Variants in SPIRE1 observed in about 807,000 individuals in gnomAD.
SPIRE1 encodes the protein protein spire homolog 1.
In SPIRE1, 40 loss-of-function variants were observed where a neutral mutation model predicts 94.1. The observed-to-expected ratio is 0.43, with a 90% CI of 0.33 to 0.55. The LOEUF (loss-of-function observed/expected upper bound fraction) is 0.55, where lower values mean the gene tolerates loss of function less well. Among genes scored for constraint, SPIRE1 ranks in the 20% least tolerant of loss-of-function variants. SPIRE1 has a pLI of 0.06. For missense variants in SPIRE1, 838 were observed against 975.2 expected (o/e 0.86, Z 1.87); for synonymous variants, 376 against 371.7 (o/e 1.01, Z -0.13).
At chr18:12,505,594 G>A (rs1490050691) in intron 6 of SPIRE1, among the ~76,000 whole-genome samples, 1 of 151,672 alleles carries the variant, frequency 6.6e-6, no homozygotes, top group Non-Finnish European at 1.5e-5. Context: ...TGGAGATGGA[G>A]AGAAGTGGTC....
chr18:12,555,286 G>C (rs1018054752), intron 2 of SPIRE1, among the ~76,000 whole-genome samples: 2 of 139,894 alleles, frequency 1.4e-5, no homozygotes, highest in Non-Finnish European at 3.1e-5. Context: ...AACAGAACCA[G>C]AACCAGACAA....
chr18:12,654,336 CAAAAAAAA>C (rs199897679), intron 1 of SPIRE1, among the ~76,000 whole-genome samples: 22 of 98,982 alleles, frequency 2.2e-4, no homozygotes, highest in African/African-American at 6.5e-4. Flanking sequence ...GACTCCACCT[CAAAAAAAA>C]AAAAAAAAAA....
intron 2 of SPIRE1, among the ~76,000 whole-genome samples, chr18:12,547,327 A>G (rs2035202608): frequency 1.3e-5 from 2 of 152,186 alleles, no homozygotes; most frequent in Admixed American, 6.5e-5. Context: ...GTTCCATTCA[A>G]TCACTGAAAA....
rs869122444 is a variant in SPIRE1, at chr18:12,549,439, G to GTTTTTTTTTTTTTTTTTTTT, written c.373-2555_373-2536dup. Among the ~76,000 whole-genome samples, 35 of 41,250 alleles carry GTTTTTTTTTTTTTTTTTTTT rather than the reference G, an allele frequency of 8.5e-4. 7 individuals are homozygous for GTTTTTTTTTTTTTTTTTTTT. The highest frequency in any genetic ancestry group is 1.7e-3 in the South Asian group (1 of 592). The allele number at this position is 41,250 out of a possible 152,430, so 27.1% of individuals were successfully genotyped here. The stretch of plus-strand genomic sequence containing the variant: ...CTTTTTGTTTGTTTTTGTTATTGTT[G>GTTTTTTTTTTTTTTTTTTTT]TTTTTTTTTTTTTTTTTTTTTTTTT... On this transcript the variant is annotated intron_variant, in intron 2 of 16. Transcript: ENST00000409402.
At chr18:12,638,189 A>G (rs536154602) in intron 1 of SPIRE1, among the ~76,000 whole-genome samples, 1 of 152,320 alleles carries the variant, frequency 6.6e-6, no homozygotes, top group East Asian at 1.9e-4. Context: ...TTGCGCCTGT[A>G]ATCCCAGCAC....
intron 12 of SPIRE1, among the ~76,000 whole-genome samples, 157 bp downstream of exon 12, chr18:12,463,194 G>T (rs560337902): frequency 6.6e-6 from 1 of 152,270 alleles, no homozygotes; most frequent in South Asian, 2.1e-4. Context: ...GAGCCACCAC[G>T]CCTGGCTGTT....
chr18:12,512,735 C>T (rs2034074740), intron 4 of SPIRE1, among the ~76,000 whole-genome samples: 1 of 150,820 alleles, frequency 6.6e-6, no homozygotes. Flanking sequence ...ATTGCTCACT[C>T]TAATTTCCTT....
intron 2 of SPIRE1, among the ~76,000 whole-genome samples, chr18:12,555,304 T>C (rs1311860766): frequency 7.2e-5 from 9 of 124,896 alleles, no homozygotes; most frequent in Middle Eastern, 4.2e-3. Context: ...CAAAGACTTA[T>C]CAAAAAAAAA....
intron 2 of SPIRE1, among the ~76,000 whole-genome samples, chr18:12,594,982 C>T (rs1172725770): frequency 1.3e-5 from 2 of 152,164 alleles, no homozygotes; most frequent in East Asian, 1.9e-4. Context: ...CTCTAGCTTA[C>T]TTTAAAAATA....
intron 5 of SPIRE1, 125 bp downstream of exon 5, chr18:12,512,329 G>A (rs1359153410): frequency 1.6e-5 from 10 of 630,254 alleles, no homozygotes; most frequent in Non-Finnish European, 2.4e-5. Flanking sequence ...GGGGGTTGCA[G>A]TGAGCTGAGA....
intron 2 of SPIRE1, among the ~76,000 whole-genome samples, chr18:12,618,811 A>G (rs1401354483): frequency 6.6e-6 from 1 of 152,172 alleles, no homozygotes; most frequent in African/African-American, 2.4e-5. Context: ...TCTCTCATAA[A>G]ATACCTTTGA....
At chr18:12,630,170 C>T (rs1421862996) in intron 2 of SPIRE1, among the ~76,000 whole-genome samples, 1 of 152,112 alleles carries the variant, frequency 6.6e-6, no homozygotes, top group Non-Finnish European at 1.5e-5. Context: ...AATTGATGTT[C>T]TCTATTTCAA....
At position 12,601,293 on chromosome 18, in the gene SPIRE1, G is replaced by A. The variant is rs926669373; in HGVS notation, c.372+33769C>T. Among the ~76,000 whole-genome samples, 9 of 151,870 alleles carry A rather than the reference G, an allele frequency of 5.9e-5. No individual in the cohort carries two copies. In the South Asian group the frequency reaches 6.3e-4, roughly 11 times the overall value. The stretch of plus-strand genomic sequence containing the variant: ...CAAAAAATAGTCAGGCATGGTGGGG[G>A]GCACCTGTAATCCCAGCTACTTGGG... On this transcript the variant is annotated intron_variant, in intron 2 of 16. Coordinates refer to ENST00000409402, the MANE Select transcript of SPIRE1 (RefSeq NM_001128626.2).
At chr18:12,585,943 T>A (rs2036381989) in intron 2 of SPIRE1, among the ~76,000 whole-genome samples, 1 of 152,174 alleles carries the variant, frequency 6.6e-6, no homozygotes, top group Non-Finnish European at 1.5e-5. Flanking sequence ...GTTATATATG[T>A]ATGCATGTAT....
chr18:12,562,751 C>T (rs535777997), intron 2 of SPIRE1, among the ~76,000 whole-genome samples: 10 of 150,162 alleles, frequency 6.7e-5, no homozygotes, highest in Non-Finnish European at 1.5e-4. Flanking sequence ...CTCAAGTGAT[C>T]CTTCTGCTTC....
At chr18:12,534,361 T>C (rs2034778283) in intron 4 of SPIRE1, among the ~76,000 whole-genome samples, 1 of 152,194 alleles carries the variant, frequency 6.6e-6, no homozygotes, top group Non-Finnish European at 1.5e-5. Flanking sequence ...ACCCTGTATG[T>C]TAGTTGTAAA....
intron 4 of SPIRE1, among the ~76,000 whole-genome samples, chr18:12,512,800 G>A (rs1326331932): frequency 1.4e-5 from 2 of 142,132 alleles, no homozygotes; most frequent in African/African-American, 2.6e-5. Flanking sequence ...TTTAACTTAA[G>A]CTCTCTTCTT....
chr18:12,548,804 G>A lies in SPIRE1; in HGVS notation c.373-1900C>T, dbSNP rs112223094. Among the ~76,000 whole-genome samples, 1,454 of 151,932 alleles carry A rather than the reference G, an allele frequency of 9.6e-3. 27 individuals are homozygous for A. The highest frequency in any genetic ancestry group is 0.033 in the African/African-American group (1,374 of 41,448). On this transcript the variant is annotated intron_variant, in intron 2 of 16. Transcript: ENST00000409402. ...ATTTTTTTTGGAATTTTTTAGAAACGGGGTTTCACCATGTTGTCCAAGCTG... is the reference window on the plus strand; with the variant it reads ...ATTTTTTTTGGAATTTTTTAGAAACAGGGTTTCACCATGTTGTCCAAGCTG...
At chr18:12,453,625 G>A (rs2031354921) in intron 13 of SPIRE1, among the ~76,000 whole-genome samples, 1 of 151,904 alleles carries the variant, frequency 6.6e-6, no homozygotes. Flanking sequence ...TAGTAGAGAT[G>A]GGGTTTCACT....
Sources: gnomAD v4.1 joint callset for allele counts (sites outside exome capture counted in the v4.1 genomes callset) on GRCh38, gnomAD v4.1.1 for gene constraint, MANE v1.5 for transcripts, NCBI Gene and HGNC (gene_info 2026-07-23, HGNC 2026-07-21) for gene names.